The following PRKAR2A variants were observed in gnomAD, a reference collection of about 807,000 sequenced individuals.
PRKAR2A encodes cAMP-dependent protein kinase type II-alpha regulatory subunit.
PRKAR2A carries 29 observed loss-of-function variants against 51.9 expected under a neutral mutation model. That is an observed-to-expected ratio of 0.56 (90% CI 0.42 to 0.76). PRKAR2A has a LOEUF of 0.76. PRKAR2A is among the 30% of genes least tolerant of loss of function. PRKAR2A has a pLI of 0.00. For synonymous variants in PRKAR2A, 178 were observed against 186.2 expected, an observed-to-expected ratio of 0.96 and a Z score of 0.36; for missense variants, 445 against 512.1, an observed-to-expected ratio of 0.87 and a Z score of 1.26.
rs775999526 is a variant in PRKAR2A at position 48,765,036 on chromosome 3, T to C, written c.841A>G (p.Ile281Val). Residue 281 changes from isoleucine (I) to valine (V), a missense_variant, in exon 8 of 11, where the codon ATC becomes GTC. Coordinates refer to ENST00000265563, the MANE Select transcript of PRKAR2A (RefSeq NM_004157.4). The stretch of plus-strand genomic sequence containing the variant: ...ATTATGCGTTCTCCATCCTTATAGA[T>C]CTTCTCTCCTATTACATCCACAATC... ...MKIVDVIGEKIYKDGERIITQ... is the reference protein window; with the variant it reads ...MKIVDVIGEKVYKDGERIITQ... The C allele has an allele frequency of 1.2e-6, 2 of 1,614,198 alleles. No homozygotes were observed. Among genetic ancestry groups the C allele is most frequent in the South Asian group, 2.2e-5 (2 of 91,088 alleles).
Position 48,847,465 on chromosome 3 carries a change from G to A in PRKAR2A, c.132C>T (p.Arg44=). The change falls in exon 1 of 11, where the codon CGC becomes CGT. Residue 44 remains arginine, a synonymous_variant. Coordinates refer to ENST00000265563, the MANE Select transcript of PRKAR2A (RefSeq NM_004157.4). This position sits in a 1 kb window ranked among gnomAD's most constrained non-coding sequence, Gnocchi z 4.4. ...CGGCGGGCAGGACTGAGGCTGGGGCGCGGGCCTCGCGCAGGCGGGTGAAGT... is the reference window on the plus strand; with the variant it reads ...CGGCGGGCAGGACTGAGGCTGGGGCACGGGCCTCGCGCAGGCGGGTGAAGT... ...VEYFTRLREA[R]APASVLPAAT... The A allele has an allele frequency of 6.4e-7, 1 of 1,568,534 alleles. No homozygotes were observed.
At chr3:48,832,195 GAGGCACGAGAATCGCTTGAA>G (rs1356629920) in intron 1 of PRKAR2A, among the ~76,000 whole-genome samples, 1 of 151,362 alleles carries the variant, frequency 6.6e-6, no homozygotes, top group Admixed American at 6.6e-5. Flanking sequence ...TCAGGAGGCT[GAGGCACGAGAATCGCTTGAA>G]CCCGGGAGGT....
chr3:48,756,940 G>A (rs939283530), intron 8 of PRKAR2A, among the ~76,000 whole-genome samples: 3 of 152,182 alleles, frequency 2.0e-5, no homozygotes, highest in East Asian at 1.9e-4. Context: ...GTCCCAGGAC[G>A]TATCACTGCC....
chr3:48,760,740 C>G (rs907355266), intron 8 of PRKAR2A, among the ~76,000 whole-genome samples: 2 of 148,410 alleles, frequency 1.3e-5, no homozygotes, highest in Non-Finnish European at 3.0e-5. Flanking sequence ...GAAGCTGAGG[C>G]AGGAGAATCG....
At chr3:48,745,150 T>C (rs142391945), downstream of PRKAR2A, among the ~76,000 whole-genome samples, 17 of 151,448 alleles carry the variant, frequency 1.1e-4, no homozygotes, top group African/African-American at 3.9e-4. Flanking sequence ...CCTGGGATTA[T>C]AGGCATGAGC....
At chr3:48,785,311 T>C (rs1206884328) in intron 4 of PRKAR2A, among the ~76,000 whole-genome samples, 1 of 148,974 alleles carries the variant, frequency 6.7e-6, no homozygotes, top group African/African-American at 2.5e-5. Context: ...GCCAGGCCGG[T>C]GTGCAGTTGC....
intron 1 of PRKAR2A, among the ~76,000 whole-genome samples, chr3:48,826,829 C>T (rs1465259825): frequency 6.6e-6 from 1 of 151,192 alleles, no homozygotes; most frequent in Non-Finnish European, 1.5e-5. Context: ...TTATTATACA[C>T]CAAAAAACAA....
chr3:48,782,740 G>A (rs2082221047), intron 5 of PRKAR2A, among the ~76,000 whole-genome samples: 2 of 152,214 alleles, frequency 1.3e-5, no homozygotes. Context: ...ACAGGCATGA[G>A]CCACTGCGCC....
chr3:48,748,968 A>G lies in PRKAR2A; in HGVS notation c.*2617T>C, dbSNP rs918604002. ...CCTGGAGCTTAAGAAGAAAAGAGGAATTACCAAGGTTGTGGTGGGTTATTT... is the reference window on the plus strand; with the variant it reads ...CCTGGAGCTTAAGAAGAAAAGAGGAGTTACCAAGGTTGTGGTGGGTTATTT... On this transcript the variant is annotated 3_prime_UTR_variant, in exon 11 of 11. Coordinates refer to ENST00000265563, the MANE Select transcript of PRKAR2A (RefSeq NM_004157.4). 6.9e-4 allele frequency: 105 copies of G among 152,232 alleles called. No individual in the cohort carries two copies. Among genetic ancestry groups the G allele is most frequent in the African/African-American group, 2.4e-3 (98 of 41,456 alleles). The allele number at this position is 152,232 out of a possible 1,614,324, so 9.4% of individuals were successfully genotyped here.
At chr3:48,806,179 A>G (rs1320392816) in intron 2 of PRKAR2A, among the ~76,000 whole-genome samples, 1 of 152,198 alleles carries the variant, frequency 6.6e-6, no homozygotes, top group African/African-American at 2.4e-5. Flanking sequence ...GGAATGATAA[A>G]CGCTTTCTGA....
At chr3:48,840,567 C>CTTTTTTTTTTTTTTT (rs760883553) in intron 1 of PRKAR2A, among the ~76,000 whole-genome samples, 1 of 69,468 alleles carries the variant, frequency 1.4e-5, no homozygotes, top group Non-Finnish European at 2.7e-5. Context: ...TTGTTTTCAC[C>CTTTTTTTTTTTTTTT]TTTTTTTTTT....
At chr3:48,775,603 A>G (rs1243814647) in intron 5 of PRKAR2A, among the ~76,000 whole-genome samples, 3 of 151,596 alleles carry the variant, frequency 2.0e-5, no homozygotes, top group East Asian at 1.9e-4. Flanking sequence ...GATAATTAAA[A>G]CATATAGCAA....
intron 8 of PRKAR2A, among the ~76,000 whole-genome samples, chr3:48,760,260 G>A (rs1276494106): frequency 3.3e-5 from 5 of 152,174 alleles, no homozygotes; most frequent in African/African-American, 1.2e-4. Flanking sequence ...GGGAGGCTGA[G>A]GCAGAAGAAT....
chr3:48,847,627 G>A lies in PRKAR2A; in HGVS notation c.-31C>T. 1.4e-6 allele frequency: 2 copies of A among 1,413,140 alleles called. No individual in the cohort carries two copies. The highest frequency in any genetic ancestry group is 1.8e-6 in the Non-Finnish European group (2 of 1,089,948). The allele number at this position is 1,413,140 out of a possible 1,614,324, so 87.5% of individuals were successfully genotyped here. ...CGGCGGCCGAAGGGATAGACGGGTT[G>A]GGCCGCCGGCGGCCACTGTCTCCGC... On this transcript the variant is annotated 5_prime_UTR_variant, in exon 1 of 11. Transcript: ENST00000265563. The surrounding 1 kb of genome is among the most constrained non-coding windows in gnomAD (Gnocchi z 4.4).
At chr3:48,770,630 A>G (rs2082016221) in intron 6 of PRKAR2A, among the ~76,000 whole-genome samples, 1 of 152,190 alleles carries the variant, frequency 6.6e-6, no homozygotes, top group Non-Finnish European at 1.5e-5. Flanking sequence ...GGATATCTTG[A>G]TAGGTCACTG....
At chr3:48,824,675 T>C (rs1200305632) in intron 1 of PRKAR2A, among the ~76,000 whole-genome samples, 1 of 152,120 alleles carries the variant, frequency 6.6e-6, no homozygotes. Context: ...ACAAGCATGA[T>C]GGCTCACGCC....
chr3:48,779,490 A>T (rs1459202724), intron 5 of PRKAR2A, among the ~76,000 whole-genome samples: 1 of 151,940 alleles, frequency 6.6e-6, no homozygotes, highest in Non-Finnish European at 1.5e-5. Context: ...TTATTATATT[A>T]TAAATATAGA....
rs79537535 is a variant in PRKAR2A at position 48,823,095 on chromosome 3, G to A, written c.263-15411C>T. On this transcript the variant is annotated intron_variant, in intron 1 of 10. Transcript: ENST00000265563. Reference sequence around the variant, plus strand: ...ACTTTTTTTTTTTTAACATAGAGACGAGGTCTCACCATGTTGTCCAGGCTG... The same window carrying A: ...ACTTTTTTTTTTTTAACATAGAGACAAGGTCTCACCATGTTGTCCAGGCTG... Among the ~76,000 whole-genome samples, 1,056 of 151,390 alleles carry A rather than the reference G, an allele frequency of 7.0e-3. 16 individuals are homozygous for A. Among genetic ancestry groups the A allele is most frequent in the African/African-American group, 0.024 (988 of 41,278 alleles).
intron 3 of PRKAR2A, among the ~76,000 whole-genome samples, chr3:48,791,592 CAAA>C (rs35978535): frequency 2.4e-5 from 1 of 41,812 alleles, no homozygotes; most frequent in Non-Finnish European, 3.9e-5. Flanking sequence ...GATTCCGTCT[CAAA>C]AAAAAAAAAA....
Sources: gnomAD v4.1 joint callset for allele counts (sites outside exome capture counted in the v4.1 genomes callset) on GRCh38, gnomAD v4.1.1 for gene constraint, Gnocchi (gnomAD v3.1) non-coding constraint, MANE v1.5 for transcripts, NCBI Gene and HGNC (gene_info 2026-07-23, HGNC 2026-07-21) for gene names.